Variants in NOL4 observed in about 807,000 individuals in gnomAD.
NOL4 encodes the protein nucleolar protein 4.
NOL4 carries 17 observed loss-of-function variants against 75.9 expected under a neutral mutation model. The observed-to-expected ratio is 0.22, with a 90% CI of 0.15 to 0.34. NOL4 has a LOEUF of 0.34. Among genes scored for constraint, NOL4 ranks in the 10% least tolerant of loss-of-function variants. NOL4 has a pLI of 1.00. For missense variants in NOL4, 614 were observed against 793.5 expected (o/e 0.77, Z 2.72); for synonymous variants, 292 against 289.9 (o/e 1.01, Z -0.07).
In NOL4 at chr18:33,851,883, T is replaced by A. The variant is rs2062645133; in HGVS notation, c.*959A>T. ...AGAAAACTACACACAAGAGTGCAAA[T>A]TTTCAGATTGTCACTTGCAACCTCT... is the stretch of plus-strand genomic sequence containing the variant. On this transcript the variant is annotated 3_prime_UTR_variant, in exon 11 of 11. Transcript: ENST00000261592. 6.6e-6 allele frequency: 1 copy of A among 152,480 alleles called. No homozygotes were observed. Among genetic ancestry groups the A allele is most frequent in the African/African-American group, 2.4e-5 (1 of 41,432 alleles). The allele number at this position is 152,480 out of a possible 1,614,324, so 9.4% of individuals were successfully genotyped here.
intron 6 of NOL4, among the ~76,000 whole-genome samples, chr18:34,003,193 T>C (rs1009034994): frequency 1.3e-5 from 2 of 152,144 alleles, no homozygotes; most frequent in African/African-American, 2.4e-5. Flanking sequence ...CTGGATTTTA[T>C]TGATATTTCC....
intron 6 of NOL4, among the ~76,000 whole-genome samples, chr18:33,960,501 C>T (rs1323935383): frequency 3.3e-5 from 5 of 152,232 alleles, no homozygotes; most frequent in African/African-American, 1.2e-4. Flanking sequence ...CTCCAAGTAT[C>T]TATCTCAAAG....
chr18:34,086,566 A>G (rs1453215713), intron 5 of NOL4, among the ~76,000 whole-genome samples: 1 of 152,188 alleles, frequency 6.6e-6, no homozygotes, highest in Non-Finnish European at 1.5e-5. Context: ...AGATTTTCCA[A>G]TGAAATTAAA....
intron 9 of NOL4, among the ~76,000 whole-genome samples, chr18:33,922,803 T>G (rs186999941): frequency 1.3e-5 from 2 of 152,324 alleles, no homozygotes; most frequent in Admixed American, 1.3e-4. Flanking sequence ...GCATCAAAAC[T>G]GTGCTTCCAA....
intron 5 of NOL4, among the ~76,000 whole-genome samples, chr18:34,088,233 C>T (rs953509998): frequency 6.6e-6 from 1 of 152,016 alleles, no homozygotes; most frequent in Non-Finnish European, 1.5e-5. Context: ...AACTTTAAGT[C>T]TGTTTCTAAA....
intron 5 of NOL4, among the ~76,000 whole-genome samples, chr18:34,031,701 G>A (rs1020485940): frequency 6.6e-6 from 1 of 152,218 alleles, no homozygotes; most frequent in Admixed American, 6.5e-5. Flanking sequence ...AAAGTAGAAG[G>A]AAGAGAGGCA....
intron 2 of NOL4, among the ~76,000 whole-genome samples, chr18:34,117,065 A>G (rs974884739): frequency 6.6e-6 from 1 of 152,238 alleles, no homozygotes; most frequent in Non-Finnish European, 1.5e-5. Flanking sequence ...GCTGCATTAC[A>G]TGGACGAAAA....
At chr18:34,203,240 G>A (rs1398632158) in intron 1 of NOL4, among the ~76,000 whole-genome samples, 1 of 152,014 alleles carries the variant, frequency 6.6e-6, no homozygotes, top group East Asian at 1.9e-4. Flanking sequence ...TTTTAGAAAT[G>A]TAGTACAGAT....
At position 33,852,428 on chromosome 18, in the gene NOL4, T is replaced by G. The variant is rs1363225425; in HGVS notation, c.*414A>C. 2.7e-5 allele frequency: 4 copies of G among 146,444 alleles called. No homozygotes were observed. The allele number at this position is 146,444 out of a possible 1,614,324, so 9.1% of individuals were successfully genotyped here. On this transcript the variant is annotated 3_prime_UTR_variant, in exon 11 of 11. Coordinates refer to ENST00000261592, the MANE Select transcript of NOL4 (RefSeq NM_003787.5). ...CTGTAGCAACAAGAAATTTGGCTTT[T>G]TTTTTTCTTTTTTTTTTTTTTGCCA... is the stretch of plus-strand genomic sequence containing the variant.
At chr18:34,047,862 A>G (rs1424156876) in intron 5 of NOL4, among the ~76,000 whole-genome samples, 1 of 152,144 alleles carries the variant, frequency 6.6e-6, no homozygotes, top group East Asian at 1.9e-4. Context: ...CACATTGCAC[A>G]TGCCTTATGC....
chr18:33,879,911 T>C (rs2064156315), intron 10 of NOL4, among the ~76,000 whole-genome samples: 1 of 152,074 alleles, frequency 6.6e-6, no homozygotes, highest in Non-Finnish European at 1.5e-5. Flanking sequence ...ATGGTAAATG[T>C]ACATTCATTT....
Position 33,898,694 on chromosome 18 carries a change from A to G in NOL4, c.1543-15270T>C, listed in dbSNP as rs551260253. Among the ~76,000 whole-genome samples the G allele has an allele frequency of 2.0e-5, 3 of 152,298 alleles. No homozygotes were observed. In the East Asian group the frequency reaches 5.8e-4, roughly 29 times the overall value. ...ATCTCTCATTTGAATTATTGTGATAACATACCAATCCTGTTTCTTTTTTCA... is the reference window on the plus strand; with the variant it reads ...ATCTCTCATTTGAATTATTGTGATAGCATACCAATCCTGTTTCTTTTTTCA... On this transcript the variant is annotated intron_variant, in intron 9 of 10. Transcript: ENST00000261592.
At chr18:34,202,679 C>T (rs1364678989) in intron 1 of NOL4, among the ~76,000 whole-genome samples, 1 of 151,930 alleles carries the variant, frequency 6.6e-6, no homozygotes, top group Non-Finnish European at 1.5e-5. Flanking sequence ...AATGATACCT[C>T]TATGGTCATA....
Position 34,040,172 on chromosome 18 carries a change from C to T in NOL4, c.773-20571G>A, listed in dbSNP as rs147524155. ...TTTTTAATAAAAACGATCGATTGAT[C>T]TATTTATCTCTCGTTTGGAAAGGTA... On this transcript the variant is annotated intron_variant, in intron 5 of 10. Coordinates refer to ENST00000261592, the MANE Select transcript of NOL4 (RefSeq NM_003787.5). 4.3e-3 allele frequency among the ~76,000 whole-genome samples: 652 copies of T among 152,002 alleles called. 8 individuals are homozygous for T. The highest frequency in any genetic ancestry group is 0.015 in the African/African-American group (633 of 41,498).
At chr18:34,196,600 G>A (rs867335581) in intron 1 of NOL4, among the ~76,000 whole-genome samples, 3 of 151,902 alleles carry the variant, frequency 2.0e-5, no homozygotes, top group African/African-American at 7.3e-5. Flanking sequence ...TTTCTGAGAG[G>A]GTTTATTCAC....
intron 1 of NOL4, among the ~76,000 whole-genome samples, chr18:34,134,206 A>G (rs1231979887): frequency 6.6e-6 from 1 of 152,132 alleles, no homozygotes; most frequent in Non-Finnish European, 1.5e-5. Flanking sequence ...AGAACAAAAA[A>G]GTGGGAAAAA....
chr18:34,123,596 GAT>G (rs1423029520), intron 2 of NOL4, among the ~76,000 whole-genome samples: 8 of 145,104 alleles, frequency 5.5e-5, no homozygotes, highest in Non-Finnish European at 7.5e-5. Flanking sequence ...TATATAGAGA[GAT>G]AGATCTACAT....
intron 5 of NOL4, among the ~76,000 whole-genome samples, chr18:34,046,278 A>C (rs1354553781): frequency 3.3e-5 from 5 of 152,014 alleles, no homozygotes; most frequent in African/African-American, 1.2e-4. Flanking sequence ...TAGATTCCTG[A>C]AGCATTGCCT....
chr18:34,028,861 G>A (rs2075485315), intron 5 of NOL4, among the ~76,000 whole-genome samples: 1 of 152,168 alleles, frequency 6.6e-6, no homozygotes, highest in Admixed American at 6.5e-5. Flanking sequence ...AGAAGTTACA[G>A]GGGTCCATGA....
Sources: allele counts gnomAD v4.1 joint callset (sites outside exome capture counted in the v4.1 genomes callset), GRCh38; gene constraint gnomAD v4.1.1; transcripts MANE v1.5; gene names NCBI Gene and HGNC (gene_info 2026-07-23, HGNC 2026-07-21).